The following UMAD1 variants were observed in gnomAD, a reference collection of about 807,000 sequenced individuals.
UMAD1 encodes the protein UBAP1-MVB12-associated (UMA)-domain containing protein 1.
Under a neutral mutation model 6.1 loss-of-function variants are expected in UMAD1, and 8 were observed. The observed-to-expected ratio is 1.30, with a 90% CI of 0.76 to 2.35. UMAD1 has a LOEUF of 2.35. UMAD1 is among the 30% of genes most tolerant of loss of function. The pLI, the probability that UMAD1 is intolerant of heterozygous loss-of-function variation, is 0.00. For missense variants in UMAD1, 130 were observed against 78.4 expected (o/e 1.66, Z -2.49); for synonymous variants, 56 against 31.4 (o/e 1.78, Z -2.61).
intron 2 of UMAD1, among the ~76,000 whole-genome samples, chr7:7,728,850 G>A (rs1405791496): frequency 6.6e-6 from 1 of 152,106 alleles, no homozygotes; most frequent in Non-Finnish European, 1.5e-5. Flanking sequence ...TTTATAGTGG[G>A]CCTACCGTAT....
chr7:7,778,591 A>G (rs992084149), intron 2 of UMAD1, among the ~76,000 whole-genome samples: 2 of 151,746 alleles, frequency 1.3e-5, no homozygotes, highest in African/African-American at 4.8e-5. Flanking sequence ...GATTTTTTAT[A>G]TTTTTGTAGA....
intron 1 of UMAD1, among the ~76,000 whole-genome samples, chr7:7,660,772 A>T (rs1481746136): frequency 1.5e-5 from 2 of 134,876 alleles, no homozygotes; most frequent in African/African-American, 5.0e-5. Context: ...TCTGGCAATT[A>T]TGTGTCTTGA....
chr7:7,746,190 T>A (rs1002182864), intron 2 of UMAD1, among the ~76,000 whole-genome samples: 1 of 152,236 alleles, frequency 6.6e-6, no homozygotes, highest in Non-Finnish European at 1.5e-5. Flanking sequence ...TTTGGTGCAC[T>A]GTGTGTGGAG....
Position 7,830,159 on chromosome 7 carries a change from C to T in UMAD1, c.156+28416C>T, listed in dbSNP as rs1783432842. On this transcript the variant is annotated intron_variant, in intron 3 of 3. Transcript: ENST00000682710. This position sits in a 1 kb window ranked among gnomAD's most constrained non-coding sequence, Gnocchi z 5.3. ...CCTTAAGAGGCATTTGCCAGTGGAC[C>T]TGCAGGTCTGGCCAAGCCCCTGCTA... Among the ~76,000 whole-genome samples the T allele has an allele frequency of 6.6e-6, 1 of 152,220 alleles. No individual in the cohort carries two copies. The highest frequency in any genetic ancestry group is 2.1e-4 in the South Asian group (1 of 4,832).
At chr7:7,655,317 G>C (rs187580184) in intron 1 of UMAD1, among the ~76,000 whole-genome samples, 1 of 152,106 alleles carries the variant, frequency 6.6e-6, no homozygotes, top group Admixed American at 6.5e-5. Context: ...AAATCCACGT[G>C]TCTCATTTGG....
chr7:7,870,147 T>C (rs1368963161), intron 3 of UMAD1, among the ~76,000 whole-genome samples: 1 of 152,232 alleles, frequency 6.6e-6, no homozygotes, highest in Non-Finnish European at 1.5e-5. Context: ...ATAGTTTTTA[T>C]ACAAACATAT....
chr7:7,655,881 G>T (rs1352224160), intron 1 of UMAD1, among the ~76,000 whole-genome samples: 3 of 151,814 alleles, frequency 2.0e-5, no homozygotes, highest in Non-Finnish European at 2.9e-5. Context: ...TGTTCCCCAG[G>T]CTGGAATGCC....
chr7:7,765,269 C>T (rs1481540729), intron 2 of UMAD1, among the ~76,000 whole-genome samples: 7 of 152,086 alleles, frequency 4.6e-5, no homozygotes, highest in Admixed American at 3.3e-4. Flanking sequence ...AAATTTTTAA[C>T]CTCGCCTTGA....
At chr7:7,678,668 A>G (rs866020687) in intron 2 of UMAD1, among the ~76,000 whole-genome samples, 86 of 109,928 alleles carry the variant, frequency 7.8e-4, no homozygotes, top group African/African-American at 3.0e-3. Flanking sequence ...TTAGTTTATA[A>G]ATATATATTT....
chr7:7,779,833 G>A (rs991472574), intron 2 of UMAD1, among the ~76,000 whole-genome samples: 3 of 152,000 alleles, frequency 2.0e-5, no homozygotes, highest in Non-Finnish European at 2.9e-5. Flanking sequence ...TTGTAGAGAC[G>A]GGATTTTACC....
chr7:7,666,488 G>A (rs1002329145), intron 1 of UMAD1, among the ~76,000 whole-genome samples: 2 of 152,042 alleles, frequency 1.3e-5, no homozygotes, highest in African/African-American at 4.8e-5. Flanking sequence ...AATTACAGAT[G>A]TGAGCCCCTG....
chr7:7,871,446 A>G (rs1784330275), intron 3 of UMAD1, among the ~76,000 whole-genome samples: 1 of 152,176 alleles, frequency 6.6e-6, no homozygotes, highest in African/African-American at 2.4e-5. Context: ...ATCTGGGACA[A>G]CTTCCTTAAC....
intron 2 of UMAD1, among the ~76,000 whole-genome samples, chr7:7,767,715 C>G (rs1335667461): frequency 2.0e-5 from 3 of 152,072 alleles, no homozygotes; most frequent in African/African-American, 7.2e-5. Context: ...GTTTAAGCCT[C>G]AAAATAATTC....
At chr7:7,726,426 T>A (rs1417411258) in intron 2 of UMAD1, among the ~76,000 whole-genome samples, 2 of 152,200 alleles carry the variant, frequency 1.3e-5, no homozygotes, top group Non-Finnish European at 2.9e-5. Flanking sequence ...GATAGAATAA[T>A]GGAATGGCCT....
chr7:7,847,884 A>G (rs1331636081), intron 3 of UMAD1, among the ~76,000 whole-genome samples: 1 of 152,144 alleles, frequency 6.6e-6, no homozygotes, highest in Non-Finnish European at 1.5e-5. Context: ...ACCATTATCT[A>G]TACCCATTTG....
intron 2 of UMAD1, among the ~76,000 whole-genome samples, chr7:7,776,521 T>C (rs755201084): frequency 7.9e-5 from 12 of 152,208 alleles, no homozygotes; most frequent in Non-Finnish European, 1.8e-4. Context: ...TTTTCAGTGT[T>C]GTTTTTGCAA....
rs111367264 is a variant in UMAD1 at position 7,824,746 on chromosome 7, T to C, written c.156+23003T>C. On this transcript the variant is annotated intron_variant, in intron 3 of 3. Transcript: ENST00000682710. ...CCACAAATAACAAGCACTTGAGAAA[T>C]GTTTGAGTGCCTGAGTGGATCAGCT... is the stretch of plus-strand genomic sequence containing the variant. Among the ~76,000 whole-genome samples, 9 of 152,262 alleles carry C rather than the reference T, an allele frequency of 5.9e-5. 1 individual carries two copies. Among genetic ancestry groups the C allele is most frequent in the African/African-American group, 2.2e-4 (9 of 41,562 alleles).
At chr7:7,834,787 G>T (rs1055745260) in intron 3 of UMAD1, among the ~76,000 whole-genome samples, 2 of 152,182 alleles carry the variant, frequency 1.3e-5, no homozygotes, top group Admixed American at 1.3e-4. Context: ...ACGTATGGGT[G>T]GGGGTGTGTA....
At chr7:7,817,441 T>C (rs779691049) in intron 3 of UMAD1, among the ~76,000 whole-genome samples, 1 of 152,240 alleles carries the variant, frequency 6.6e-6, no homozygotes, top group Non-Finnish European at 1.5e-5. Context: ...AAGCTCTAAC[T>C]TTGGATAACC....
Sources: allele counts gnomAD v4.1 joint callset (sites outside exome capture counted in the v4.1 genomes callset), GRCh38; gene constraint gnomAD v4.1.1; non-coding constraint Gnocchi (gnomAD v3.1); transcripts MANE v1.5; gene names NCBI Gene and HGNC (gene_info 2026-07-23, HGNC 2026-07-21).